The following PDE1A variants were observed in gnomAD, a reference collection of about 807,000 sequenced individuals.
The protein encoded by PDE1A is phosphodiesterase 1A.
A neutral mutation model predicts 61.7 loss-of-function variants in PDE1A; 35 were observed. The observed-to-expected ratio is 0.57, with a 90% CI of 0.43 to 0.75. The LOEUF is 0.75. Ranked by LOEUF, PDE1A falls within the 30% of genes least tolerant of loss-of-function variation. PDE1A has a pLI of 0.00. For missense variants in PDE1A, 597 were observed against 630.6 expected (o/e 0.95, Z 0.57); for synonymous variants, 232 against 213.2 (o/e 1.09, Z -0.77).
intron 13 of PDE1A, among the ~76,000 whole-genome samples, chr2:182,177,011 C>A (rs1226280988): frequency 6.6e-6 from 1 of 150,860 alleles, no homozygotes; most frequent in Non-Finnish European, 1.5e-5. Flanking sequence ...TATATTGAAC[C>A]AGCCTTGCAT....
At chr2:182,354,092 G>A (rs897822755) in intron 1 of PDE1A, among the ~76,000 whole-genome samples, 1 of 152,050 alleles carries the variant, frequency 6.6e-6, no homozygotes, top group Admixed American at 6.6e-5. Context: ...ACACAAAGAT[G>A]ACATGGAGTA....
At chr2:182,706,657 G>C in the PDE1A span, among the ~76,000 whole-genome samples, 4 of 151,864 alleles carry the variant, frequency 2.6e-5, no homozygotes, top group African/African-American at 7.3e-5. Context: ...AATCTGAAAA[G>C]GCACATGGCT....
At chr2:182,546,015 G>A in the PDE1A span, among the ~76,000 whole-genome samples, 2 of 152,196 alleles carry the variant, frequency 1.3e-5, no homozygotes, top group African/African-American at 4.8e-5. Context: ...AGTTAGTGGA[G>A]AATAACCCAT....
At chr2:182,523,903 T>C (rs1192449111), upstream of PDE1A, among the ~76,000 whole-genome samples, 2 of 152,164 alleles carry the variant, frequency 1.3e-5, no homozygotes, top group African/African-American at 4.8e-5. Context: ...TTATAATGTG[T>C]ACGTAAAAAG....
chr2:182,619,281 T>C, the PDE1A span, among the ~76,000 whole-genome samples: 1 of 152,020 alleles, frequency 6.6e-6, no homozygotes, highest in Non-Finnish European at 1.5e-5. Flanking sequence ...TTCCCCCAAA[T>C]TGAGGAGAAA....
At chr2:182,187,002 T>C (rs962955640) in intron 11 of PDE1A, among the ~76,000 whole-genome samples, 5 of 152,236 alleles carry the variant, frequency 3.3e-5, no homozygotes, top group African/African-American at 1.2e-4. Context: ...TAACAAGAAA[T>C]CATATCTAAG....
the PDE1A span, among the ~76,000 whole-genome samples, chr2:182,613,625 T>C: frequency 1.3e-5 from 2 of 152,164 alleles, no homozygotes; most frequent in Non-Finnish European, 2.9e-5. Flanking sequence ...CAGGGTTCCA[T>C]TGAATGGTAC....
At chr2:182,446,840 A>G (rs1034156329) in intron 2 of PDE1A, among the ~76,000 whole-genome samples, 3 of 152,012 alleles carry the variant, frequency 2.0e-5, no homozygotes, top group Admixed American at 2.0e-4. Context: ...TGATCCCCAG[A>G]AAATTTTTTA....
chr2:182,431,981 T>C (rs1414114692), upstream of PDE1A, among the ~76,000 whole-genome samples: 1 of 152,134 alleles, frequency 6.6e-6, no homozygotes, highest in Non-Finnish European at 1.5e-5. Context: ...GTTTACTTGA[T>C]ATCAAGGTGA....
At chr2:182,672,342 T>C in the PDE1A span, among the ~76,000 whole-genome samples, 1 of 152,218 alleles carries the variant, frequency 6.6e-6, no homozygotes, top group South Asian at 2.1e-4. Flanking sequence ...TACCATTACT[T>C]TTAATGCAAA....
chr2:182,357,457 T>C (rs960012926), intron 1 of PDE1A, among the ~76,000 whole-genome samples: 3 of 152,172 alleles, frequency 2.0e-5, no homozygotes, highest in African/African-American at 7.2e-5. Context: ...CAGTATTGCA[T>C]GGATAATCAC....
intron 2 of PDE1A, among the ~76,000 whole-genome samples, chr2:182,507,781 C>T (rs1689506326): frequency 6.6e-6 from 1 of 152,064 alleles, no homozygotes; most frequent in Admixed American, 6.5e-5. Context: ...AACAGCCACA[C>T]ATAAAGATGC....
chr2:182,636,571 TCAAA>T, the PDE1A span, among the ~76,000 whole-genome samples: 41 of 152,226 alleles, frequency 2.7e-4, no homozygotes, highest in African/African-American at 9.9e-4. Context: ...GATTTTTATT[TCAAA>T]CAAACGTATT....
At chr2:182,657,175 GT>G in the PDE1A span, among the ~76,000 whole-genome samples, 2 of 151,972 alleles carry the variant, frequency 1.3e-5, no homozygotes, top group Non-Finnish European at 1.5e-5. Context: ...GTGAGCCAAG[GT>G]CGCGCCACTG....
chr2:182,422,436 T>C (rs1490804720), intron 1 of PDE1A, among the ~76,000 whole-genome samples: 1 of 152,164 alleles, frequency 6.6e-6, no homozygotes, highest in Non-Finnish European at 1.5e-5. Flanking sequence ...GAGAAAATAA[T>C]TGTAACAAAA....
chr2:182,206,570 C>T (rs1687120977), intron 7 of PDE1A, among the ~76,000 whole-genome samples: 2 of 152,212 alleles, frequency 1.3e-5, no homozygotes, highest in South Asian at 4.1e-4. Flanking sequence ...CCCTTTCTCT[C>T]CCCTAACCCT....
intron 1 of PDE1A, among the ~76,000 whole-genome samples, chr2:182,394,755 T>C (rs1701609240): frequency 6.6e-6 from 1 of 152,242 alleles, no homozygotes; most frequent in African/African-American, 2.4e-5. Flanking sequence ...GGCATAGACA[T>C]ACTTAGCTGC....
the PDE1A span, among the ~76,000 whole-genome samples, chr2:182,684,628 G>A: frequency 6.6e-6 from 1 of 151,980 alleles, no homozygotes; most frequent in Non-Finnish European, 1.5e-5. Flanking sequence ...TCAGCTCACT[G>A]CAACCTCCGT....
chr2:182,377,395 C>A (rs1226928341), intron 1 of PDE1A, among the ~76,000 whole-genome samples: 1 of 152,158 alleles, frequency 6.6e-6, no homozygotes, highest in Admixed American at 6.5e-5. Context: ...CCTGAGGCCT[C>A]CTCAGAAGCA....
Sources: allele counts gnomAD v4.1 joint callset (sites outside exome capture counted in the v4.1 genomes callset), GRCh38; gene constraint gnomAD v4.1.1; transcripts MANE v1.5; gene names NCBI Gene and HGNC (gene_info 2026-07-23, HGNC 2026-07-21).